The following RNF220 variants were observed in gnomAD, a reference collection of about 807,000 sequenced individuals.
RNF220 encodes the protein E3 ubiquitin-protein ligase RNF220.
Under a neutral mutation model 67.1 loss-of-function variants are expected in RNF220, and 7 were observed. The ratio of observed to expected loss-of-function variants is 0.10; its 90% CI spans 0.06 to 0.20. The LOEUF is 0.20. Among genes scored for constraint, RNF220 ranks in the 10% least tolerant of loss-of-function variants. The pLI is 1.00. For synonymous variants in RNF220, 270 were observed against 283.2 expected, an observed-to-expected ratio of 0.95 and a Z score of 0.47; for missense variants, 565 against 740.3, an observed-to-expected ratio of 0.76 and a Z score of 2.75.
intron 2 of RNF220, among the ~76,000 whole-genome samples, chr1:44,534,732 G>A (rs1482131085): frequency 4.6e-5 from 7 of 152,108 alleles, no homozygotes; most frequent in African/African-American, 1.7e-4. Context: ...ACCTAGAATT[G>A]TATATGGAAG....
intron 2 of RNF220, among the ~76,000 whole-genome samples, chr1:44,563,779 A>G (rs1663774552): frequency 6.6e-6 from 1 of 152,196 alleles, no homozygotes; most frequent in Admixed American, 6.5e-5. Flanking sequence ...TGTCCAGGAC[A>G]GACTTACGTC....
rs775421926 is a variant in RNF220, at chr1:44,635,565, C to T, written c.970C>T (p.Arg324Trp). The T allele has an allele frequency of 2.5e-6, 4 of 1,614,078 alleles. No homozygotes were observed. Among genetic ancestry groups the T allele is most frequent in the South Asian group, 2.2e-5 (2 of 91,078 alleles). ...RLNARIGKMK[R>W]RKQDEGQREG... ...TGCAGCTCGGATTGGGAAAATGAAA[C>T]GGAGGAAGCAAGATGAAGGGCAGGT... Residue 324 changes from arginine (R) to tryptophan (W), a missense_variant, in exon 7 of 15, where the codon CGG becomes TGG. Transcript: ENST00000361799.
chr1:44,499,267 A>C (rs1332748374), intron 2 of RNF220, among the ~76,000 whole-genome samples: 3 of 151,894 alleles, frequency 2.0e-5, no homozygotes, highest in Non-Finnish European at 4.4e-5. Context: ...AAAGCCTTCC[A>C]TTTCCCCCTG....
chr1:44,471,440 G>T (rs1029811436), intron 2 of RNF220, among the ~76,000 whole-genome samples: 12 of 143,900 alleles, frequency 8.3e-5, no homozygotes, highest in African/African-American at 3.4e-4. Context: ...ATAAAATAAA[G>T]TGTACAAGTC....
chr1:44,481,599 G>A (rs1388078575), intron 2 of RNF220, among the ~76,000 whole-genome samples: 3 of 152,108 alleles, frequency 2.0e-5, no homozygotes, highest in Non-Finnish European at 4.4e-5. Context: ...AACCACCATG[G>A]CACACATACA....
Position 44,540,762 on chromosome 1 carries a change from A to G in RNF220, c.626-73403A>G, listed in dbSNP as rs527497423. ...TTCAGGCCAGACAAGAAATGTGTAGATGCCTCCCACACAAACCAGCCACGC... is the reference window on the plus strand; with the variant it reads ...TTCAGGCCAGACAAGAAATGTGTAGGTGCCTCCCACACAAACCAGCCACGC... On this transcript the variant is annotated intron_variant, in intron 2 of 14. Transcript: ENST00000361799. Among the ~76,000 whole-genome samples, 118 of 152,216 alleles carry G rather than the reference A, an allele frequency of 7.8e-4. No individual in the cohort carries two copies. The South Asian group carries it at 0.023, about 30-fold the overall frequency.
intron 2 of RNF220, among the ~76,000 whole-genome samples, chr1:44,497,113 C>A (rs1039823680): frequency 1.3e-5 from 2 of 152,138 alleles, no homozygotes; most frequent in African/African-American, 4.8e-5. Context: ...AGATGCTAAG[C>A]AACGGTTACA....
intron 5 of RNF220, among the ~76,000 whole-genome samples, chr1:44,629,398 G>C (rs954932708): frequency 6.6e-6 from 1 of 152,204 alleles, no homozygotes; most frequent in Non-Finnish European, 1.5e-5. Context: ...TTTCTCCAAG[G>C]CAAGGACCTT....
At chr1:44,442,167 C>T (rs1651622998) in intron 2 of RNF220, among the ~76,000 whole-genome samples, 2 of 152,112 alleles carry the variant, frequency 1.3e-5, no homozygotes, top group Non-Finnish European at 2.9e-5. Context: ...CTTGCTCTGC[C>T]ACCTAAGCTG....
chr1:44,580,533 A>G (rs923491177), intron 2 of RNF220, among the ~76,000 whole-genome samples: 21 of 152,220 alleles, frequency 1.4e-4, no homozygotes, highest in African/African-American at 5.1e-4. Context: ...TGGAACTTCC[A>G]GGGAAATAGA....
intron 6 of RNF220, among the ~76,000 whole-genome samples, chr1:44,633,729 A>G (rs1307922955): frequency 1.3e-5 from 2 of 152,214 alleles, no homozygotes; most frequent in East Asian, 3.8e-4. Context: ...CCAGGGAGGC[A>G]TTCCCTTGGT....
At chr1:44,541,693 G>A (rs918477846) in intron 2 of RNF220, among the ~76,000 whole-genome samples, 1 of 152,182 alleles carries the variant, frequency 6.6e-6, no homozygotes, top group African/African-American at 2.4e-5. Context: ...CTGTTGGAAG[G>A]TGCTGCTTCT....
At chr1:44,627,344 CAAAAAA>C (rs35722890) in intron 5 of RNF220, among the ~76,000 whole-genome samples, 1 of 42,254 alleles carries the variant, frequency 2.4e-5, no homozygotes, top group East Asian at 9.4e-4. Context: ...GACTCCGTCT[CAAAAAA>C]AAAAAAAAAA....
At chr1:44,604,294 T>C (rs1346232420) in intron 2 of RNF220, among the ~76,000 whole-genome samples, 1 of 152,216 alleles carries the variant, frequency 6.6e-6, no homozygotes, top group African/African-American at 2.4e-5. Flanking sequence ...GGCCCTTCAC[T>C]GTAGTCTGTG....
intron 2 of RNF220, among the ~76,000 whole-genome samples, chr1:44,480,029 C>T (rs1379164026): frequency 6.6e-6 from 1 of 152,224 alleles, no homozygotes; most frequent in Non-Finnish European, 1.5e-5. Flanking sequence ...AGCTTCCTTG[C>T]TGCCCACTTG....
chr1:44,471,504 T>C (rs902470011), intron 2 of RNF220, among the ~76,000 whole-genome samples: 9 of 151,776 alleles, frequency 5.9e-5, no homozygotes, highest in African/African-American at 2.2e-4. Flanking sequence ...CCTCTAACTC[T>C]GGAACATTTT....
At chr1:44,422,681 C>T (rs1343865565) in intron 2 of RNF220, among the ~76,000 whole-genome samples, 2 of 152,094 alleles carry the variant, frequency 1.3e-5, no homozygotes, top group Non-Finnish European at 2.9e-5. Flanking sequence ...TGCTCATGGC[C>T]AGAATAGCTC....
intron 2 of RNF220, among the ~76,000 whole-genome samples, chr1:44,610,120 G>A (rs1349920058): frequency 2.0e-5 from 3 of 152,192 alleles, no homozygotes; most frequent in Non-Finnish European, 4.4e-5. Flanking sequence ...GAATGTGGAC[G>A]GGAGGCGGAA....
At chr1:44,519,129 G>A (rs1659703281) in intron 2 of RNF220, among the ~76,000 whole-genome samples, 1 of 151,588 alleles carries the variant, frequency 6.6e-6, no homozygotes, top group African/African-American at 2.4e-5. Flanking sequence ...GGAGGGGTGG[G>A]GAGAAATGAA....
Sources: gnomAD v4.1 joint callset for allele counts (sites outside exome capture counted in the v4.1 genomes callset) on GRCh38, gnomAD v4.1.1 for gene constraint, MANE v1.5 for transcripts, NCBI Gene and HGNC (gene_info 2026-07-23, HGNC 2026-07-21) for gene names.